Variants in ITGA1 observed in about 807,000 individuals in gnomAD.
ITGA1 encodes integrin subunit alpha 1.
Under a neutral mutation model 145.9 loss-of-function variants are expected in ITGA1, and 85 were observed. The ratio of observed to expected loss-of-function variants is 0.58; its 90% confidence interval spans 0.49 to 0.70. The LOEUF is 0.70. Ranked by LOEUF, ITGA1 falls within the 30% of genes least tolerant of loss-of-function variation. ITGA1 has a pLI of 0.00. For missense variants in ITGA1, 1,351 were observed against 1,418.7 expected (o/e 0.95, Z 0.77); for synonymous variants, 520 against 495.3 (o/e 1.05, Z -0.66).
intron 8 of ITGA1, among the ~76,000 whole-genome samples, chr5:52,893,185 T>C: frequency 6.6e-6 from 1 of 152,150 alleles, no homozygotes; most frequent in East Asian, 1.9e-4. Flanking sequence ...CAATTTAGAT[T>C]ACCACTTAGT....
intron 6 of ITGA1, among the ~76,000 whole-genome samples, chr5:52,876,859 T>G (rs1028956395): frequency 2.0e-5 from 3 of 152,210 alleles, no homozygotes; most frequent in African/African-American, 7.2e-5. Flanking sequence ...TGGGCTATCC[T>G]GGCAACAAGG....
intron 21 of ITGA1, 45 bp from the exon 22 acceptor site, chr5:52,932,002 G>A (rs776485367): frequency 1.0e-5 from 12 of 1,144,310 alleles, no homozygotes; most frequent in Admixed American, 3.5e-5. Context: ...TCTTTAAATA[G>A]TCAAGATTTT....
At chr5:52,870,926 A>G (rs905164279) in intron 6 of ITGA1, among the ~76,000 whole-genome samples, 1 of 152,162 alleles carries the variant, frequency 6.6e-6, no homozygotes, top group Non-Finnish European at 1.5e-5. Context: ...ACTTGTACAT[A>G]CCTATTAGGA....
chr5:52,895,115 A>C (rs1168757056), intron 9 of ITGA1, among the ~76,000 whole-genome samples: 5 of 152,098 alleles, frequency 3.3e-5, no homozygotes, highest in Non-Finnish European at 7.4e-5. Flanking sequence ...TGAAAAAAAA[A>C]TGCTGGCTAT....
chr5:52,862,414 G>T (rs990960246), intron 3 of ITGA1, among the ~76,000 whole-genome samples: 4 of 151,884 alleles, frequency 2.6e-5, no homozygotes, highest in Non-Finnish European at 5.9e-5. Flanking sequence ...GATTGACATA[G>T]AATGCCATTT....
At chr5:52,853,977 G>A (rs1413544421) in intron 2 of ITGA1, among the ~76,000 whole-genome samples, 1 of 152,250 alleles carries the variant, frequency 6.6e-6, no homozygotes, top group Non-Finnish European at 1.5e-5. Flanking sequence ...TCTGTTTGGG[G>A]CTTTCCACTC....
At chr5:52,844,499 G>T (rs1195241981) in intron 1 of ITGA1, among the ~76,000 whole-genome samples, 1 of 152,184 alleles carries the variant, frequency 6.6e-6, no homozygotes, top group Non-Finnish European at 1.5e-5. Flanking sequence ...TTGGAAGCCT[G>T]TGGAAATGTG....
Position 52,911,577 on chromosome 5 carries a change from T to G in ITGA1, c.1857+1158T>G, listed in dbSNP as rs1561246371. Among the ~76,000 whole-genome samples the G allele has an allele frequency of 5.0e-4, 17 of 33,896 alleles. 2 individuals are homozygous for G. Among genetic ancestry groups the G allele is most frequent in the Non-Finnish European group, 5.2e-4 (7 of 13,500 alleles). 22.2% of individuals were successfully genotyped at this position (33,896 alleles called of 152,430 possible). ...TATAGTGTATCTACTATATATACTA[T>G]ATATATAGTGTATCTACTATATATA... On this transcript the variant is annotated intron_variant, in intron 14 of 28. Transcript: ENST00000282588.
intron 9 of ITGA1, among the ~76,000 whole-genome samples, chr5:52,894,674 C>T (rs1316800525): frequency 6.6e-6 from 1 of 152,244 alleles, no homozygotes; most frequent in Non-Finnish European, 1.5e-5. Context: ...TAGGCTACAT[C>T]CAAATCCAGT....
chr5:52,818,332 C>T (rs544573165), intron 1 of ITGA1, among the ~76,000 whole-genome samples: 2 of 152,118 alleles, frequency 1.3e-5, no homozygotes, highest in Non-Finnish European at 1.5e-5. Flanking sequence ...GGAGTTCTAA[C>T]ATATGCTTAT....
intron 1 of ITGA1, chr5:52,801,442 A>G (rs1748481828): frequency 1.9e-6 from 3 of 1,613,938 alleles, no homozygotes; most frequent in Non-Finnish European, 8.5e-7. Flanking sequence ...GTACTCCCTG[A>G]AAGAGGCCCT....
At chr5:52,880,109 A>C (rs1749931976) in intron 6 of ITGA1, among the ~76,000 whole-genome samples, 1 of 152,164 alleles carries the variant, frequency 6.6e-6, no homozygotes, top group African/African-American at 2.4e-5. Flanking sequence ...GAGGTGACTA[A>C]AGAATGGAGG....
chr5:52,890,655 T>A (rs112502284), intron 8 of ITGA1, among the ~76,000 whole-genome samples: 4 of 152,340 alleles, frequency 2.6e-5, no homozygotes, highest in African/African-American at 9.6e-5. Flanking sequence ...GATACAGGCA[T>A]ACAGTGGCTA....
At chr5:52,796,309 A>C (rs1748340645) in intron 1 of ITGA1, among the ~76,000 whole-genome samples, 1 of 151,860 alleles carries the variant, frequency 6.6e-6, no homozygotes, top group East Asian at 1.9e-4. Flanking sequence ...GGAGGTAACA[A>C]TACTTTTTTC....
chr5:52,871,912 T>C (rs1044616360), intron 6 of ITGA1, among the ~76,000 whole-genome samples: 1 of 152,176 alleles, frequency 6.6e-6, no homozygotes, highest in African/African-American at 2.4e-5. Flanking sequence ...ATTAAAGATA[T>C]GATGGTGTAA....
At chr5:52,897,186 G>A (rs1750239551) in intron 9 of ITGA1, among the ~76,000 whole-genome samples, 1 of 152,142 alleles carries the variant, frequency 6.6e-6, no homozygotes, top group Non-Finnish European at 1.5e-5. Flanking sequence ...TACAGTATAA[G>A]AATGGAGATT....
intron 7 of ITGA1, among the ~76,000 whole-genome samples, chr5:52,884,372 A>G (rs1750013356): frequency 6.6e-6 from 1 of 151,790 alleles, no homozygotes; most frequent in Non-Finnish European, 1.5e-5. Context: ...GCCTGAACCC[A>G]GGAGGCGGAG....
At chr5:52,842,325 C>T (rs760772916) in intron 1 of ITGA1, among the ~76,000 whole-genome samples, 3 of 152,128 alleles carry the variant, frequency 2.0e-5, no homozygotes, top group Non-Finnish European at 2.9e-5. Context: ...AGATTTTCTT[C>T]ATGTATGTCA....
At chr5:52,852,815 T>C (rs956023193) in intron 2 of ITGA1, among the ~76,000 whole-genome samples, 4 of 152,134 alleles carry the variant, frequency 2.6e-5, no homozygotes, top group African/African-American at 9.7e-5. Context: ...CAATCATTAT[T>C]TGTTGGCTGA....
Sources: allele counts gnomAD v4.1 joint callset (sites outside exome capture counted in the v4.1 genomes callset), GRCh38; gene constraint gnomAD v4.1.1; transcripts MANE v1.5; gene names NCBI Gene and HGNC (gene_info 2026-07-23, HGNC 2026-07-21).